The following LARP4B variants were observed in gnomAD, a reference collection of about 807,000 sequenced individuals.
LARP4B encodes the protein la-related protein 4B.
LARP4B carries 12 observed loss-of-function variants against 89.8 expected under a neutral mutation model. The ratio of observed to expected loss-of-function variants is 0.13; its 90% CI spans 0.09 to 0.22. The LOEUF is 0.22. Among genes scored for constraint, LARP4B ranks in the 10% least tolerant of loss-of-function variants. LARP4B has a pLI of 1.00. For missense variants in LARP4B, 757 were observed against 947.7 expected (o/e 0.80, Z 2.64); for synonymous variants, 367 against 363.3 (o/e 1.01, Z -0.12).
intron 1 of LARP4B, among the ~76,000 whole-genome samples, chr10:921,176 G>A (rs1836966572): frequency 1.3e-5 from 2 of 151,706 alleles, no homozygotes. Context: ...AGGAGGCTGG[G>A]GCAGGAGAAT....
chr10:956,501 A>G, the LARP4B span, among the ~76,000 whole-genome samples: 4 of 151,792 alleles, frequency 2.6e-5, no homozygotes, highest in African/African-American at 7.3e-5. The surrounding 1 kb of genome is among the most constrained non-coding windows in gnomAD (Gnocchi z 4.3). Context: ...GCCCGCCACC[A>G]CGCCCAGCTA....
At chr10:949,040 C>T in the LARP4B span, among the ~76,000 whole-genome samples, 1 of 152,234 alleles carries the variant, frequency 6.6e-6, no homozygotes, top group Non-Finnish European at 1.5e-5. Context: ...CCAGGTCCGA[C>T]AGTGGTTGCA....
At chr10:952,514 T>A in the LARP4B span, among the ~76,000 whole-genome samples, 3 of 94,776 alleles carry the variant, frequency 3.2e-5, no homozygotes, top group African/African-American at 4.3e-5. Flanking sequence ...CAGACAACCT[T>A]TAAAAGGAAG....
upstream of LARP4B, among the ~76,000 whole-genome samples, chr10:936,163 A>T (rs1564453670): frequency 6.6e-6 from 1 of 152,150 alleles, no homozygotes; most frequent in Non-Finnish European, 1.5e-5. Context: ...ACAAATATTC[A>T]CTGAGTACCT....
At chr10:909,347 T>C (rs1050355861) in intron 1 of LARP4B, among the ~76,000 whole-genome samples, 1 of 149,630 alleles carries the variant, frequency 6.7e-6, no homozygotes, top group African/African-American at 2.5e-5. Context: ...TCAATGTCAC[T>C]GACTCCAAGC....
intron 1 of LARP4B, among the ~76,000 whole-genome samples, chr10:929,429 T>C (rs1837240307): frequency 6.6e-6 from 1 of 152,114 alleles, no homozygotes; most frequent in Non-Finnish European, 1.5e-5. Context: ...ACCCCGTCTC[T>C]ACTAAAAATA....
At chr10:969,664 G>A in the LARP4B span, among the ~76,000 whole-genome samples, 1 of 152,136 alleles carries the variant, frequency 6.6e-6, no homozygotes, top group Non-Finnish European at 1.5e-5. Flanking sequence ...AGGAGGCAGA[G>A]GCTGCAGTGA....
intron 1 of LARP4B, chr10:903,612 A>G (rs1836403382): frequency 6.6e-6 from 1 of 152,254 alleles, no homozygotes; most frequent in African/African-American, 2.4e-5. Context: ...AGCACAGCAC[A>G]CAGGGCCTTC....
intron 5 of LARP4B, among the ~76,000 whole-genome samples, chr10:853,256 G>A (rs1834142759): frequency 1.3e-5 from 2 of 152,106 alleles, no homozygotes; most frequent in African/African-American, 4.8e-5. Flanking sequence ...AGCAAATATT[G>A]CAATAAAGCA....
intron 1 of LARP4B, among the ~76,000 whole-genome samples, chr10:917,564 G>T (rs2132037810): frequency 6.6e-6 from 1 of 152,292 alleles, no homozygotes; most frequent in Middle Eastern, 3.4e-3. Flanking sequence ...AGACTAGCCT[G>T]GTACCTTGTT....
At chr10:855,754 G>A (rs1834268548) in intron 5 of LARP4B, among the ~76,000 whole-genome samples, 1 of 152,194 alleles carries the variant, frequency 6.6e-6, no homozygotes, top group African/African-American at 2.4e-5. Flanking sequence ...TTGATGCAGG[G>A]TTGCCACAAA....
At chr10:955,842 A>G in the LARP4B span, among the ~76,000 whole-genome samples, 4 of 152,122 alleles carry the variant, frequency 2.6e-5, no homozygotes, top group Non-Finnish European at 5.9e-5. The surrounding 1 kb of genome is among the most constrained non-coding windows in gnomAD (Gnocchi z 5.2). Context: ...GGCAGAAAGG[A>G]AACTGTGTGA....
chr10:889,556 A>G (rs915088028), intron 1 of LARP4B, among the ~76,000 whole-genome samples: 1 of 152,202 alleles, frequency 6.6e-6, no homozygotes, highest in Non-Finnish European at 1.5e-5. Flanking sequence ...CTTTCTCATC[A>G]TGTTGAAATG....
At chr10:841,467 G>C (rs1014134437) in intron 7 of LARP4B, among the ~76,000 whole-genome samples, 1 of 152,364 alleles carries the variant, frequency 6.6e-6, no homozygotes, top group African/African-American at 2.4e-5. Context: ...CTATGGGCAG[G>C]TGGGCTCTGT....
intron 1 of LARP4B, among the ~76,000 whole-genome samples, chr10:905,701 G>GAGGAGCTGAGGAGCAGGGA (rs1200938041): frequency 1.9e-3 from 167 of 86,104 alleles, no homozygotes; most frequent in Non-Finnish European, 3.5e-3. Flanking sequence ...AGGAGCAAGG[G>GAGGAGCTGAGGAGCAGGGA]AGGAGCTGAG....
Position 860,778 on chromosome 10 carries a change from C to T in LARP4B, c.430+2965G>A, listed in dbSNP as rs189339266. ...TGTCCAGCAACTTGTGGGGCTGATG[C>T]ACATCTCTTGGGCCCAGGAGTTCCA... On this transcript the variant is annotated intron_variant, in intron 5 of 17. Coordinates refer to ENST00000316157, the MANE Select transcript of LARP4B (RefSeq NM_015155.3). Among the ~76,000 whole-genome samples, 3 of 152,194 alleles carry T rather than the reference C, an allele frequency of 2.0e-5. No homozygotes were observed. In the East Asian group the frequency reaches 5.8e-4, roughly 29 times the overall value.
At chr10:844,218 G>C (rs1176297510) in intron 6 of LARP4B, among the ~76,000 whole-genome samples, 2 of 152,260 alleles carry the variant, frequency 1.3e-5, no homozygotes, top group African/African-American at 4.8e-5. Flanking sequence ...GAGTGGCAGA[G>C]AGCTCACACT....
At chr10:897,085 A>G (rs755932596) in intron 1 of LARP4B, among the ~76,000 whole-genome samples, 1 of 152,110 alleles carries the variant, frequency 6.6e-6, no homozygotes, top group Non-Finnish European at 1.5e-5. Context: ...AATCTTGAGA[A>G]AGAATAAAAT....
intron 1 of LARP4B, among the ~76,000 whole-genome samples, chr10:927,247 G>A (rs1035696319): frequency 1.1e-4 from 16 of 152,210 alleles, no homozygotes; most frequent in African/African-American, 3.6e-4. Context: ...AGTTTATAAA[G>A]GCATTGAAGG....
Sources: gnomAD v4.1 joint callset for allele counts (sites outside exome capture counted in the v4.1 genomes callset) on GRCh38, gnomAD v4.1.1 for gene constraint, Gnocchi (gnomAD v3.1) non-coding constraint, MANE v1.5 for transcripts, NCBI Gene and HGNC (gene_info 2026-07-23, HGNC 2026-07-21) for gene names.